Variants in DLG2 observed in about 807,000 individuals in gnomAD.
DLG2 encodes discs large MAGUK scaffold protein 2.
DLG2 carries 45 observed loss-of-function variants against 132.5 expected under a neutral mutation model. The ratio of observed to expected loss-of-function variants is 0.34; its 90% CI spans 0.27 to 0.44. DLG2 has a LOEUF of 0.44. DLG2 is among the 20% of genes least tolerant of loss of function. DLG2 has a pLI of 1.00. For synonymous variants in DLG2, 424 were observed against 419.6 expected (o/e 1.01, Z -0.13); for missense variants, 1,045 against 1,196.9 (o/e 0.87, Z 1.87).
intron 6 of DLG2, among the ~76,000 whole-genome samples, chr11:84,793,599 T>C (rs2074170163): frequency 6.6e-6 from 1 of 152,210 alleles, no homozygotes; most frequent in Non-Finnish European, 1.5e-5. Context: ...TGGCTGCATA[T>C]ATATTCACAA....
chr11:85,467,219 T>C (rs1052342533), intron 3 of DLG2, among the ~76,000 whole-genome samples: 1 of 152,220 alleles, frequency 6.6e-6, no homozygotes, highest in African/African-American at 2.4e-5. Flanking sequence ...GCTGAGACGA[T>C]GGGGTTTTCT....
intron 6 of DLG2, among the ~76,000 whole-genome samples, chr11:84,631,136 G>A (rs1349778478): frequency 6.7e-6 from 1 of 149,124 alleles, no homozygotes; most frequent in Non-Finnish European, 1.5e-5. Flanking sequence ...TGGTAAACAA[G>A]GCTACCAAAA....
intron 4 of DLG2, among the ~76,000 whole-genome samples, chr11:85,250,257 T>C (rs1202198410): frequency 6.6e-6 from 1 of 152,188 alleles, no homozygotes; most frequent in Admixed American, 6.6e-5. Context: ...ATAACTAAGG[T>C]GTACCAAATA....
chr11:84,090,146 G>A (rs1033479030), intron 10 of DLG2, among the ~76,000 whole-genome samples: 2 of 152,110 alleles, frequency 1.3e-5, no homozygotes, highest in African/African-American at 4.8e-5. Flanking sequence ...AGGCGCGGTG[G>A]CTCACGCCTG....
At chr11:83,873,011 T>A (rs1425708816) in intron 16 of DLG2, among the ~76,000 whole-genome samples, 1 of 152,124 alleles carries the variant, frequency 6.6e-6, no homozygotes, top group Non-Finnish European at 1.5e-5. Context: ...AGTTCTTCAT[T>A]ATTTTTTTCA....
intron 7 of DLG2, among the ~76,000 whole-genome samples, chr11:84,447,576 C>G (rs2099039063): frequency 6.6e-6 from 1 of 152,078 alleles, no homozygotes; most frequent in African/African-American, 2.4e-5. Context: ...TTAAAGTCTT[C>G]CAGGTTCCCA....
chr11:84,191,929 A>C (rs956466074), intron 8 of DLG2, among the ~76,000 whole-genome samples: 2 of 150,800 alleles, frequency 1.3e-5, no homozygotes, highest in Admixed American at 6.6e-5. Flanking sequence ...AAAAATGCTG[A>C]GCACGGAGTA....
At chr11:85,255,426 G>A (rs995233209) in intron 4 of DLG2, among the ~76,000 whole-genome samples, 2 of 152,088 alleles carry the variant, frequency 1.3e-5, no homozygotes, top group African/African-American at 4.8e-5. Context: ...ATTTTAAAAT[G>A]CCATATACTC....
chr11:83,570,415 A>G (rs1230663400), intron 19 of DLG2, among the ~76,000 whole-genome samples: 1 of 152,180 alleles, frequency 6.6e-6, no homozygotes, highest in Non-Finnish European at 1.5e-5. Context: ...AAGGAATATC[A>G]TTACTATTAC....
chr11:85,117,659 T>C (rs1192376585), intron 5 of DLG2, among the ~76,000 whole-genome samples: 1 of 123,990 alleles, frequency 8.1e-6, no homozygotes, highest in Non-Finnish European at 1.8e-5. Flanking sequence ...AAAAAACTAG[T>C]AAAAAAAAAA....
At chr11:83,613,570 C>T (rs927328267) in intron 19 of DLG2, among the ~76,000 whole-genome samples, 1 of 152,142 alleles carries the variant, frequency 6.6e-6, no homozygotes, top group Non-Finnish European at 1.5e-5. Flanking sequence ...ATTGTAGCAT[C>T]AGATTCAAGG....
chr11:84,553,719 G>C (rs1489113525), intron 6 of DLG2, among the ~76,000 whole-genome samples: 1 of 152,182 alleles, frequency 6.6e-6, no homozygotes, highest in Non-Finnish European at 1.5e-5. Context: ...TTCTTTCCTT[G>C]AGAAGGTTGG....
chr11:83,787,898 C>G (rs1056173457), intron 17 of DLG2, among the ~76,000 whole-genome samples: 2 of 152,150 alleles, frequency 1.3e-5, no homozygotes, highest in Non-Finnish European at 2.9e-5. Context: ...TAAGTGCTCT[C>G]CAATGACAGA....
intron 3 of DLG2, among the ~76,000 whole-genome samples, chr11:85,399,186 T>A (rs1355854061): frequency 6.6e-6 from 1 of 152,024 alleles, no homozygotes; most frequent in East Asian, 1.9e-4. Flanking sequence ...CACAATTGCT[T>A]CAAAGAGAAT....
At chr11:84,470,870 A>G (rs2099106683) in intron 7 of DLG2, among the ~76,000 whole-genome samples, 1 of 151,850 alleles carries the variant, frequency 6.6e-6, no homozygotes, top group African/African-American at 2.4e-5. Context: ...CTAAGAACAG[A>G]CAATTAGACA....
At chr11:85,012,301 T>C (rs61909110) in intron 6 of DLG2, among the ~76,000 whole-genome samples, 2 of 71,914 alleles carry the variant, frequency 2.8e-5, no homozygotes, top group South Asian at 4.2e-4. Flanking sequence ...CTAAGGCGGG[T>C]GGATCACGAG....
chr11:85,516,629 G>C (rs2094175112), intron 3 of DLG2, among the ~76,000 whole-genome samples: 1 of 151,918 alleles, frequency 6.6e-6, no homozygotes, highest in African/African-American at 2.4e-5. Flanking sequence ...TTGATAATCA[G>C]AAACTACTAT....
chr11:84,250,925 A>C (rs1045028047), intron 8 of DLG2, among the ~76,000 whole-genome samples: 6 of 152,230 alleles, frequency 3.9e-5, no homozygotes, highest in African/African-American at 1.4e-4. Context: ...AGAAACCCAA[A>C]GAAGTTTGCT....
At chr11:85,233,511 C>T (rs1388805431) in intron 4 of DLG2, among the ~76,000 whole-genome samples, 2 of 151,820 alleles carry the variant, frequency 1.3e-5, no homozygotes, top group Admixed American at 1.3e-4. Context: ...TAAGGCTACC[C>T]ACTCACTTGT....
Sources: allele counts gnomAD v4.1 joint callset (sites outside exome capture counted in the v4.1 genomes callset), GRCh38; gene constraint gnomAD v4.1.1; transcripts MANE v1.5; gene names NCBI Gene and HGNC (gene_info 2026-07-23, HGNC 2026-07-21).